Variants in HS6ST3 observed in about 807,000 individuals in gnomAD.
The protein encoded by HS6ST3 is heparan sulfate 6-O-sulfotransferase 3, also known as heparan-sulfate 6-O-sulfotransferase 3.
Under a neutral mutation model 36.7 loss-of-function variants are expected in HS6ST3, and 12 were observed. The ratio of observed to expected loss-of-function variants is 0.33; its 90% CI spans 0.21 to 0.53. HS6ST3 has a LOEUF of 0.53. HS6ST3 is among the 20% of genes least tolerant of loss of function. The pLI, the probability that HS6ST3 is intolerant of heterozygous loss-of-function variation, is 0.95. For synonymous variants in HS6ST3, 240 were observed against 257.5 expected (o/e 0.93, Z 0.65); for missense variants, 584 against 640.9 (o/e 0.91, Z 0.96).
intron 1 of HS6ST3, among the ~76,000 whole-genome samples, chr13:96,693,855 C>T (rs1875046481): frequency 6.6e-6 from 1 of 152,132 alleles, no homozygotes; most frequent in Non-Finnish European, 1.5e-5. Context: ...ACTAAAGTTA[C>T]ATGGGTCCAG....
rs1194066433 is a variant in HS6ST3, at chr13:96,813,856, A to G, written c.708-18634A>G. Among the ~76,000 whole-genome samples, 4 of 152,276 alleles carry G rather than the reference A, an allele frequency of 2.6e-5. No individual in the cohort carries two copies. The East Asian group carries it at 5.8e-4, about 22-fold the overall frequency. ...CCCATGCCAAGGTCAAACGGATTCT[A>G]CTCTCTTACATTTCTAGTCCTTAAA... On this transcript the variant is annotated intron_variant, in intron 1 of 1. Coordinates refer to ENST00000376705, the MANE Select transcript of HS6ST3 (RefSeq NM_153456.4).
intron 1 of HS6ST3, among the ~76,000 whole-genome samples, chr13:96,814,918 A>T (rs182395117): frequency 6.6e-6 from 1 of 152,160 alleles, no homozygotes; most frequent in Non-Finnish European, 1.5e-5. Context: ...TGTGTTTCTC[A>T]AATATTTAGT....
chr13:96,327,319 C>T (rs1037091097), intron 1 of HS6ST3, among the ~76,000 whole-genome samples: 2 of 151,884 alleles, frequency 1.3e-5, no homozygotes, highest in African/African-American at 2.4e-5. Flanking sequence ...TTAGGACTAA[C>T]GTTTAAGTCT....
intron 1 of HS6ST3, among the ~76,000 whole-genome samples, chr13:96,808,766 G>A (rs1341258245): frequency 6.6e-6 from 1 of 152,182 alleles, no homozygotes; most frequent in African/African-American, 2.4e-5. Context: ...AGAGATGAGG[G>A]AGCCCAGATT....
intron 1 of HS6ST3, among the ~76,000 whole-genome samples, chr13:96,148,239 C>T (rs369273359): frequency 6.4e-4 from 98 of 152,276 alleles, no homozygotes; most frequent in African/African-American, 2.1e-3. Flanking sequence ...TGTTACACAG[C>T]GTTTTGCTTA....
chr13:96,153,504 C>T (rs938714711), intron 1 of HS6ST3, among the ~76,000 whole-genome samples: 3 of 152,100 alleles, frequency 2.0e-5, no homozygotes, highest in Non-Finnish European at 2.9e-5. Flanking sequence ...ATTTCATCCC[C>T]GCTATGTGAA....
At chr13:96,146,086 A>C (rs551165955) in intron 1 of HS6ST3, among the ~76,000 whole-genome samples, 2 of 152,144 alleles carry the variant, frequency 1.3e-5, no homozygotes, top group African/African-American at 4.8e-5. Flanking sequence ...GTCAGGTAGC[A>C]TGATGCCTCC....
At chr13:96,661,777 G>A (rs776699795) in intron 1 of HS6ST3, among the ~76,000 whole-genome samples, 1 of 152,074 alleles carries the variant, frequency 6.6e-6, no homozygotes, top group African/African-American at 2.4e-5. Context: ...CATTCCTTGT[G>A]GGTCCGGTCT....
In HS6ST3 at chr13:96,689,246, A is replaced by G. The variant is rs372752207; in HGVS notation, c.708-143244A>G. Among the ~76,000 whole-genome samples, 43 of 152,170 alleles carry G rather than the reference A, an allele frequency of 2.8e-4. 1 individual carries two copies. Among genetic ancestry groups the G allele is most frequent in the African/African-American group, 9.9e-4 (41 of 41,538 alleles). On this transcript the variant is annotated intron_variant, in intron 1 of 1. Coordinates refer to ENST00000376705, the MANE Select transcript of HS6ST3 (RefSeq NM_153456.4). Reference sequence around the variant, plus strand: ...CACTTGGCAAGTTATTACTACTCCCAAGCCTCATTAGGGTCCTGAAAGGCA... The same window carrying G: ...CACTTGGCAAGTTATTACTACTCCCGAGCCTCATTAGGGTCCTGAAAGGCA...
intron 1 of HS6ST3, among the ~76,000 whole-genome samples, chr13:96,642,342 G>T (rs906092887): frequency 6.6e-6 from 1 of 151,732 alleles, no homozygotes; most frequent in African/African-American, 2.4e-5. Flanking sequence ...TTAGCCATTT[G>T]ATTATAATGT....
chr13:96,144,120 G>A (rs73546924), intron 1 of HS6ST3, among the ~76,000 whole-genome samples: 44 of 152,236 alleles, frequency 2.9e-4, no homozygotes, highest in African/African-American at 9.9e-4. Context: ...TTTGGCAAGA[G>A]CTATTTCTTC....
chr13:96,802,066 A>G (rs1190019230), intron 1 of HS6ST3, among the ~76,000 whole-genome samples: 1 of 152,144 alleles, frequency 6.6e-6, no homozygotes, highest in Non-Finnish European at 1.5e-5. Flanking sequence ...GCAATGGAAG[A>G]GGAAGGAGTT....
chr13:96,790,788 C>T (rs952827171), intron 1 of HS6ST3, among the ~76,000 whole-genome samples: 2 of 152,046 alleles, frequency 1.3e-5, no homozygotes, highest in Non-Finnish European at 2.9e-5. Flanking sequence ...CAGTCACCTT[C>T]ACAGGTGATT....
At chr13:96,602,848 GCT>G (rs1453994463) in intron 1 of HS6ST3, among the ~76,000 whole-genome samples, 5 of 152,116 alleles carry the variant, frequency 3.3e-5, no homozygotes, top group Non-Finnish European at 7.3e-5. Flanking sequence ...CCTCTACTCA[GCT>G]CTCTCTGTTT....
At chr13:96,515,595 C>G (rs1420625109) in intron 1 of HS6ST3, among the ~76,000 whole-genome samples, 1 of 152,144 alleles carries the variant, frequency 6.6e-6, no homozygotes, top group East Asian at 1.9e-4. Flanking sequence ...CGACCCAAAT[C>G]TCGTGTTGAA....
chr13:96,500,512 G>T (rs1417960237), intron 1 of HS6ST3, among the ~76,000 whole-genome samples: 1 of 152,134 alleles, frequency 6.6e-6, no homozygotes. Context: ...GGAGCCAAAG[G>T]TATACGTGGG....
intron 1 of HS6ST3, among the ~76,000 whole-genome samples, chr13:96,147,160 C>T (rs2054062176): frequency 6.6e-6 from 1 of 152,194 alleles, no homozygotes; most frequent in African/African-American, 2.4e-5. Flanking sequence ...TAGTGATCAG[C>T]AGAGCACATA....
In HS6ST3 at chr13:96,647,750, G is replaced by GT. The variant is rs72122913; in HGVS notation, c.708-184731dup. ...TTACCCATTCTCTGAAATGCTAAAT[G>GT]TTTTTTTTTCTGAATCTGTTATACT... On this transcript the variant is annotated intron_variant, in intron 1 of 1. Transcript: ENST00000376705. Among the ~76,000 whole-genome samples, 348 of 150,512 alleles carry GT rather than the reference G, an allele frequency of 2.3e-3. 8 individuals carry two copies. The East Asian group carries it at 0.051, about 22-fold the overall frequency.
At chr13:96,293,415 A>G (rs1455622981) in intron 1 of HS6ST3, among the ~76,000 whole-genome samples, 1 of 152,148 alleles carries the variant, frequency 6.6e-6, no homozygotes, top group Non-Finnish European at 1.5e-5. Context: ...TGTTTTCAAT[A>G]CAGTCGTCTT....
Sources: gnomAD v4.1 joint callset for allele counts (sites outside exome capture counted in the v4.1 genomes callset) on GRCh38, gnomAD v4.1.1 for gene constraint, MANE v1.5 for transcripts, NCBI Gene and HGNC (gene_info 2026-07-23, HGNC 2026-07-21) for gene names.